Variants in PTPN2 observed in about 807,000 individuals in gnomAD.
The protein encoded by PTPN2 is tyrosine-protein phosphatase non-receptor type 2.
Under a neutral mutation model 57.3 loss-of-function variants are expected in PTPN2, and 19 were observed. That is an observed-to-expected ratio of 0.33 (90% confidence interval 0.23 to 0.49). The LOEUF (loss-of-function observed/expected upper bound fraction) is 0.49. Ranked by LOEUF, PTPN2 falls within the 20% of genes least tolerant of loss-of-function variation. The pLI is 0.99. For synonymous variants in PTPN2, 153 were observed against 164.9 expected (o/e 0.93, Z 0.55); for missense variants, 358 against 501.1 (o/e 0.71, Z 2.73).
At chr18:12,805,205 C>G (rs973205585) in intron 7 of PTPN2, among the ~76,000 whole-genome samples, 1 of 151,932 alleles carries the variant, frequency 6.6e-6, no homozygotes, top group Non-Finnish European at 1.5e-5. Context: ...GCCTGTAATC[C>G]CAGCACTTTG....
At chr18:12,873,423 G>A (rs1373411745) in intron 1 of PTPN2, among the ~76,000 whole-genome samples, 3 of 152,174 alleles carry the variant, frequency 2.0e-5, no homozygotes, top group Admixed American at 6.5e-5. Context: ...GAGTGCCTGC[G>A]AGTGCAGGTG....
intron 9 of PTPN2, chr18:12,786,723 C>G (rs1224848530): frequency 6.6e-6 from 1 of 152,182 alleles, no homozygotes; most frequent in South Asian, 2.1e-4. Flanking sequence ...CAAATCATAT[C>G]CACACATTTA....
At chr18:12,880,123 A>C (rs1166221502) in intron 1 of PTPN2, among the ~76,000 whole-genome samples, 1 of 152,222 alleles carries the variant, frequency 6.6e-6, no homozygotes, top group African/African-American at 2.4e-5. Context: ...CTGCCAAGGA[A>C]GTGAGACTTC....
chr18:12,862,884 ATT>A (rs1189006931), intron 1 of PTPN2: 1 of 140,452 alleles, frequency 7.1e-6, no homozygotes, highest in Admixed American at 7.7e-5. Flanking sequence ...CTATTGATTA[ATT>A]TTCTTTCCCA....
intron 2 of PTPN2, among the ~76,000 whole-genome samples, chr18:12,849,109 T>A (rs547472979): frequency 3.9e-5 from 6 of 152,362 alleles, no homozygotes; most frequent in African/African-American, 1.4e-4. Context: ...TTATGAGTGA[T>A]GTTGTTGCAG....
intron 1 of PTPN2, among the ~76,000 whole-genome samples, chr18:12,872,906 C>A (rs1053756076): frequency 3.1e-4 from 47 of 152,286 alleles, no homozygotes; most frequent in African/African-American, 1.1e-3. Flanking sequence ...AATGGCACTG[C>A]AGGGCAATGC....
intron 7 of PTPN2, among the ~76,000 whole-genome samples, chr18:12,810,717 A>G (rs1422402821): frequency 6.6e-6 from 1 of 152,228 alleles, no homozygotes; most frequent in Non-Finnish European, 1.5e-5. Flanking sequence ...CAATTTGTCT[A>G]GAGGATGGAA....
intron 3 of PTPN2, among the ~76,000 whole-genome samples, chr18:12,835,628 A>C (rs1279658544): frequency 6.6e-6 from 1 of 152,034 alleles, no homozygotes; most frequent in Non-Finnish European, 1.5e-5. Flanking sequence ...CATCTGCCTC[A>C]GCCTCCCAAA....
chr18:12,848,878 G>C (rs943913631), intron 2 of PTPN2, among the ~76,000 whole-genome samples: 1 of 152,210 alleles, frequency 6.6e-6, no homozygotes, highest in Admixed American at 6.5e-5. Flanking sequence ...CTTTGGCTAT[G>C]AAAGTTCTAT....
rs759192440 is a variant in PTPN2 at position 12,801,963 on chromosome 18, A to C, written c.1040+7T>G. 1.3e-6 allele frequency: 2 copies of C among 1,576,116 alleles called. No individual in the cohort carries two copies. The highest frequency in any genetic ancestry group is 1.7e-6 in the Non-Finnish European group (2 of 1,165,658). On this transcript the variant is annotated splice_region_variant and intron_variant, in intron 8 of 8. Transcript: ENST00000309660. ...CATCTTTCAGCCTGTAGTTATAGAA[A>C]GCTTACCTCTCACTGTTCTCCTCCA...
At chr18:12,828,355 T>G (rs1377181568) in intron 4 of PTPN2, among the ~76,000 whole-genome samples, 1 of 152,030 alleles carries the variant, frequency 6.6e-6, no homozygotes, top group Non-Finnish European at 1.5e-5. Flanking sequence ...GAACTAAGAG[T>G]CTACAAGAGA....
chr18:12,785,810 C>A, exon 10 of PTPN2: 4 of 1,609,874 alleles, frequency 2.5e-6, no homozygotes, highest in Non-Finnish European at 3.4e-6. Context: ...AGAATATTCT[C>A]AAGTCATGAA....
chr18:12,871,820 G>A (rs1024949964), intron 1 of PTPN2, among the ~76,000 whole-genome samples: 2 of 151,986 alleles, frequency 1.3e-5, no homozygotes, highest in Non-Finnish European at 2.9e-5. Flanking sequence ...CTGAGAGGTG[G>A]GCTGATCACT....
chr18:12,803,621 G>T (rs1412787211), intron 7 of PTPN2, among the ~76,000 whole-genome samples: 1 of 152,094 alleles, frequency 6.6e-6, no homozygotes, highest in African/African-American at 2.4e-5. Flanking sequence ...TAGACTTTAG[G>T]TCAAAAATTG....
At chr18:12,858,787 C>A (rs1228211567) in intron 2 of PTPN2, among the ~76,000 whole-genome samples, 1 of 151,984 alleles carries the variant, frequency 6.6e-6, no homozygotes, top group Non-Finnish European at 1.5e-5. Flanking sequence ...AGGAAAAAAA[C>A]CAAACTACAC....
intron 7 of PTPN2, among the ~76,000 whole-genome samples, chr18:12,807,586 A>AAAAAAAAAAAT: frequency 2.8e-5 from 1 of 35,194 alleles, no homozygotes; most frequent in Non-Finnish European, 6.1e-5. Context: ...AAAAAAAAAA[A>AAAAAAAAAAAT]ATATATATAT....
In PTPN2 at chr18:12,855,706, TAAC is replaced by T. The variant is rs1388144952; in HGVS notation, c.160+3455_160+3457del. On this transcript the variant is annotated intron_variant, in intron 2 of 8. Coordinates refer to ENST00000309660, the MANE Select transcript of PTPN2 (RefSeq NM_002828.4). Reference sequence around the variant, plus strand: ...ACAGCAAGGCAACCCCAAGCCCACCTAACACTGGAGTCCACCCAAGGCACACGC... The same window carrying T: ...ACAGCAAGGCAACCCCAAGCCCACCTACTGGAGTCCACCCAAGGCACACGC... 2.4e-4 allele frequency among the ~76,000 whole-genome samples: 37 copies of T among 152,280 alleles called. No individual in the cohort carries two copies. The South Asian group carries it at 7.5e-3, about 31-fold the overall frequency.
intron 7 of PTPN2, among the ~76,000 whole-genome samples, chr18:12,807,568 G>GGAAAAAAAAAAAA (rs1491298104): frequency 4.9e-5 from 2 of 41,192 alleles, no homozygotes; most frequent in African/African-American, 1.4e-4. Flanking sequence ...AGAAAATGTG[G>GGAAAAAAAAAAAA]AAAAAAAAAA....
intron 1 of PTPN2, among the ~76,000 whole-genome samples, chr18:12,860,428 C>T (rs776244106): frequency 1.1e-4 from 17 of 151,262 alleles, no homozygotes; most frequent in Non-Finnish European, 1.0e-4. Context: ...GAAACCTCGT[C>T]TCTACTGAAA....
Sources: allele counts gnomAD v4.1 joint callset (sites outside exome capture counted in the v4.1 genomes callset), GRCh38; gene constraint gnomAD v4.1.1; transcripts MANE v1.5; gene names NCBI Gene and HGNC (gene_info 2026-07-23, HGNC 2026-07-21).